DOCK4: variants seen among roughly 807,000 people sequenced by gnomAD.
The protein encoded by DOCK4 is dedicator of cytokinesis 4.
Under a neutral mutation model 268.1 loss-of-function variants are expected in DOCK4, and 97 were observed. That is an observed-to-expected ratio of 0.36 (90% CI 0.31 to 0.43). The LOEUF is 0.43. Ranked by LOEUF, DOCK4 falls within the 20% of genes least tolerant of loss-of-function variation. DOCK4 has a pLI of 1.00. For missense variants in DOCK4, 2,145 were observed against 2,455.7 expected (o/e 0.87, Z 2.67); for synonymous variants, 954 against 887.2 (o/e 1.08, Z -1.34).
chr7:112,139,931 T>A (rs1424098428), intron 1 of DOCK4, among the ~76,000 whole-genome samples: 1 of 152,062 alleles, frequency 6.6e-6, no homozygotes, highest in African/African-American at 2.4e-5. Flanking sequence ...AAGCTAAAAA[T>A]TTTTGCCAAG....
chr7:111,949,060 T>C (rs1795851179), intron 8 of DOCK4, among the ~76,000 whole-genome samples: 1 of 152,220 alleles, frequency 6.6e-6, no homozygotes, highest in South Asian at 2.1e-4. Context: ...ATCAGTTACC[T>C]ACTAATGTAT....
Position 112,166,216 on chromosome 7 carries a change from G to A in DOCK4, c.37+39886C>T, listed in dbSNP as rs563146514. ...TAAGTATGAAATAACCTAGAACTAT[G>A]CCATTAAAGAATAAAGAAAAAACTG... On this transcript the variant is annotated intron_variant, in intron 1 of 52. Coordinates refer to ENST00000428084, the MANE Select transcript of DOCK4 (RefSeq NM_001363540.2). Among the ~76,000 whole-genome samples, 3 of 152,226 alleles carry A rather than the reference G, an allele frequency of 2.0e-5. 1 individual carries two copies. The highest frequency in any genetic ancestry group is 7.2e-5 in the African/African-American group (3 of 41,542).
chr7:111,915,474 C>T (rs1336907426), intron 13 of DOCK4, among the ~76,000 whole-genome samples: 1 of 152,142 alleles, frequency 6.6e-6, no homozygotes, highest in Non-Finnish European at 1.5e-5. Context: ...CCTCCTTCTC[C>T]TGGTCATAAT....
Position 111,998,494 on chromosome 7 carries a change from G to T in DOCK4, c.172C>A (p.Pro58Thr). 6.3e-7 allele frequency: 1 copy of T among 1,587,438 alleles called. No homozygotes were observed. The highest frequency in any genetic ancestry group is 1.1e-5 in the South Asian group (1 of 87,058). ...TTTTTCAAGTGAACGTAGCTGGAAG[G>T]AAATATACCCTGGAAAAGAAAACAT... ...LKNPNIKGIF[P>T]SSYVHLKNAC... The change falls in exon 4 of 53, where the codon CCT becomes ACT. Residue 58 changes from proline (P) to threonine (T), a missense_variant. By Grantham distance (38) the Pro-to-Thr change is conservative. Around this residue, in one of 2 missense-constraint regions of DOCK4, gnomAD observed 1,598 missense variants for 1,986.7 expected, o/e 0.80. Coordinates refer to ENST00000428084, the MANE Select transcript of DOCK4 (RefSeq NM_001363540.2).
intron 30 of DOCK4, among the ~76,000 whole-genome samples, chr7:111,806,840 T>C (rs1385508624): frequency 1.3e-5 from 2 of 152,216 alleles, no homozygotes; most frequent in Non-Finnish European, 2.9e-5. Flanking sequence ...GGTATTGATA[T>C]GCTCCAGAAA....
In DOCK4 at chr7:111,887,354, T is replaced by G. The variant is rs191073824; in HGVS notation, c.1587+8258A>C. Among the ~76,000 whole-genome samples the G allele has an allele frequency of 2.4e-3, 362 of 152,276 alleles. 3 individuals carry two copies. Among genetic ancestry groups the G allele is most frequent in the South Asian group, 4.6e-3 (22 of 4,824 alleles). On this transcript the variant is annotated intron_variant, in intron 16 of 52. Coordinates refer to ENST00000428084, the MANE Select transcript of DOCK4 (RefSeq NM_001363540.2). ...CATATCTGGCAGTTAACAGCATAGC[T>G]TACCTGCCCAAATGGATGAGATGGA...
chr7:111,756,558 C>T (rs1418692170), intron 41 of DOCK4, among the ~76,000 whole-genome samples: 1 of 151,962 alleles, frequency 6.6e-6, no homozygotes, highest in Non-Finnish European at 1.5e-5. Context: ...CCAGGGCTTC[C>T]TCTGGCCGGG....
chr7:112,030,726 G>A (rs750848609), intron 1 of DOCK4, among the ~76,000 whole-genome samples: 2 of 152,190 alleles, frequency 1.3e-5, no homozygotes, highest in Non-Finnish European at 2.9e-5. Flanking sequence ...GCTAGAAGAA[G>A]TCTTCACAGA....
intron 6 of DOCK4, 127 bp downstream of exon 6, chr7:111,988,888 C>CA: frequency 7.3e-7 from 1 of 1,376,086 alleles, no homozygotes; most frequent in East Asian, 2.5e-5. Flanking sequence ...ACTAAGCCTC[C>CA]AAAAACAGGA....
intron 41 of DOCK4, among the ~76,000 whole-genome samples, chr7:111,756,154 C>T (rs141430027): frequency 0.011 from 1,699 of 152,192 alleles, 34 homozygotes; most frequent in African/African-American, 0.037. Context: ...CAAGACCATC[C>T]TGGATAATAT....
At chr7:112,202,522 C>A (rs1821034995) in intron 1 of DOCK4, among the ~76,000 whole-genome samples, 1 of 52,664 alleles carries the variant, frequency 1.9e-5, no homozygotes, top group Non-Finnish European at 4.4e-5. Flanking sequence ...TTGTTAATAG[C>A]CTGATTAATC....
Position 111,945,830 on chromosome 7 carries a change from A to T in DOCK4, c.702-32T>A, listed in dbSNP as rs991871043. 5.3e-6 allele frequency: 8 copies of T among 1,495,460 alleles called. No homozygotes were observed. In the African/African-American group the frequency reaches 1.1e-4, roughly 21 times the overall value. 92.6% of individuals were successfully genotyped at this position (1,495,460 alleles called of 1,614,324 possible). On this transcript the variant is annotated intron_variant, in intron 8 of 52. Transcript: ENST00000428084. ...GAGAAAAAATGTTTAACAATTTGAAAATTATTTAATAGTTAAAGATTTATC... is the reference window on the plus strand; with the variant it reads ...GAGAAAAAATGTTTAACAATTTGAATATTATTTAATAGTTAAAGATTTATC...
At chr7:112,074,715 T>C (rs972514293) in intron 1 of DOCK4, among the ~76,000 whole-genome samples, 1 of 152,180 alleles carries the variant, frequency 6.6e-6, no homozygotes, top group Non-Finnish European at 1.5e-5. Flanking sequence ...GCCAATTTTC[T>C]CACTTGCAAA....
At chr7:111,739,783 A>G in intron 47 of DOCK4, 1 of 395,114 alleles carries the variant, frequency 2.5e-6, no homozygotes, top group South Asian at 2.4e-5. Flanking sequence ...CTAGGGCCCA[A>G]AAACAGGCGA....
intron 1 of DOCK4, among the ~76,000 whole-genome samples, chr7:112,205,642 T>C (rs1187315770): frequency 6.6e-6 from 1 of 152,108 alleles, no homozygotes; most frequent in Non-Finnish European, 1.5e-5. Flanking sequence ...CCCTACTGTT[T>C]TGGGGGTGTT....
chr7:111,777,227 T>G (rs1284818985), intron 36 of DOCK4, among the ~76,000 whole-genome samples: 1 of 152,204 alleles, frequency 6.6e-6, no homozygotes, highest in Non-Finnish European at 1.5e-5. Flanking sequence ...ACTGTTCACC[T>G]ACAATACTGT....
At chr7:111,781,198 G>T (rs1798766075) in intron 35 of DOCK4, among the ~76,000 whole-genome samples, 1 of 152,192 alleles carries the variant, frequency 6.6e-6, no homozygotes, top group Non-Finnish European at 1.5e-5. Flanking sequence ...ATTACTTTGG[G>T]GAAAGGTAAA....
rs780012511 is a variant in DOCK4 at position 111,822,416 on chromosome 7, A to G, written c.2876T>C (p.Ile959Thr). The G allele has an allele frequency of 8.1e-6, 13 of 1,613,668 alleles. No individual in the cohort carries two copies. The highest frequency in any genetic ancestry group is 2.2e-5 in the East Asian group (1 of 44,850). ...GTCCTTTGGAAACATCTCCGGGCGT[A>G]TCAATATTCGGAACACAGTAAATAT... is the stretch of plus-strand genomic sequence containing the variant. ...LQIFTVFRIL[I>T]RPEMFPKDWT... is the part of the protein sequence containing the mutation. Residue 959 changes from isoleucine (I) to threonine (T), a missense_variant, in exon 27 of 53, where the codon ATA becomes ACA. Around this residue, in one of 2 missense-constraint regions of DOCK4, gnomAD observed 1,598 missense variants for 1,986.7 expected, o/e 0.80. Coordinates refer to ENST00000428084, the MANE Select transcript of DOCK4 (RefSeq NM_001363540.2).
chr7:111,790,819 G>C (rs1799474482), intron 30 of DOCK4, among the ~76,000 whole-genome samples: 1 of 151,788 alleles, frequency 6.6e-6, no homozygotes, highest in African/African-American at 2.4e-5. Flanking sequence ...CAGCACTTTG[G>C]GAGGCTGAGG....
Sources: allele counts gnomAD v4.1 joint callset (sites outside exome capture counted in the v4.1 genomes callset), GRCh38; gene constraint gnomAD v4.1.1; regional missense constraint gnomAD v4.1.1; transcripts MANE v1.5; gene names NCBI Gene and HGNC (gene_info 2026-07-23, HGNC 2026-07-21).